The following CXorf58 variants were observed in gnomAD, a reference collection of about 807,000 sequenced individuals.
CXorf58 encodes chromosome X open reading frame 58, also known as uncharacterized protein CXorf58.
In CXorf58, 24 loss-of-function variants were observed where a neutral mutation model predicts 26.0. That is an observed-to-expected ratio of 0.92 (90% CI 0.67 to 1.30). The LOEUF (loss-of-function observed/expected upper bound fraction) is 1.30, where lower values mean the gene tolerates loss of function less well. CXorf58 is among the 50% of genes most tolerant of loss of function. The pLI is 0.00. For synonymous variants in CXorf58, 87 were observed against 86.1 expected (o/e 1.01, Z -0.06); for missense variants, 236 against 263.9 (o/e 0.89, Z 0.73).
In CXorf58 at chrX:23,929,654, A is replaced by G. The variant is rs1283132498; in HGVS notation, c.555+2284A>G. Reference sequence around the variant, plus strand: ...AAGTGCTGATGGAGAAGCTGCAGCAAGTTATCCAGAAGATCTCACTAAGAT... The same window carrying G: ...AAGTGCTGATGGAGAAGCTGCAGCAGGTTATCCAGAAGATCTCACTAAGAT... On this transcript the variant is annotated intron_variant, in intron 6 of 8. Coordinates refer to ENST00000379211, the MANE Select transcript of CXorf58 (RefSeq NM_152761.3). 1.8e-4 allele frequency among the ~76,000 whole-genome samples: 20 copies of G among 112,042 alleles called. No individual in the cohort carries two copies. In the Admixed American group the frequency reaches 1.8e-3, roughly 10 times the overall value.
In CXorf58 at chrX:23,923,510, G is replaced by A. The variant is rs1392352853; in HGVS notation, c.424-3729G>A. The stretch of plus-strand genomic sequence containing the variant: ...AAAAATTAGCCAGGCATGGTGGCAC[G>A]CACCTGTAGTCCCAGCTACTCAGGA... On this transcript the variant is annotated intron_variant, in intron 5 of 8. Coordinates refer to ENST00000379211, the MANE Select transcript of CXorf58 (RefSeq NM_152761.3). Among the ~76,000 whole-genome samples the A allele has an allele frequency of 9.1e-5, 10 of 109,442 alleles. No homozygotes were observed. In the South Asian group the frequency reaches 2.8e-3, roughly 31 times the overall value.
Position 23,935,390 on chromosome X carries a change from C to G in CXorf58, c.750C>G (p.Ile250Met), listed in dbSNP as rs751809793. The G allele has an allele frequency of 1.8e-4, 213 of 1,203,938 alleles. 1 individual carries two copies. Among genetic ancestry groups the G allele is most frequent in the Non-Finnish European group, 2.3e-4 (205 of 889,939 alleles). Reference sequence around the variant, plus strand: ...TACAGAGACCAGTAACGCAAGAGATCCATAAGCACCAGCTACGGATTGTTT... The same window carrying G: ...TACAGAGACCAGTAACGCAAGAGATGCATAAGCACCAGCTACGGATTGTTT... ...FLLQRPVTQE[I>M]HKHQLRIVSE... Residue 250 changes from isoleucine to methionine, a missense_variant, in exon 7 of 9, where the codon ATC becomes ATG. Ile to Met is a conservative substitution (Grantham distance 10). Transcript: ENST00000379211.
intron 1 of CXorf58, among the ~76,000 whole-genome samples, chrX:23,908,846 T>C (rs1214731173): frequency 8.9e-6 from 1 of 112,321 alleles, no homozygotes; most frequent in Admixed American, 9.5e-5. Context: ...TTCTCATTGC[T>C]GCAAGGAGAA....
At chrX:23,911,331 G>C (rs1927573176) in intron 2 of CXorf58, among the ~76,000 whole-genome samples, 3 of 111,463 alleles carry the variant, frequency 2.7e-5, no homozygotes, top group African/African-American at 9.8e-5. Context: ...CCCCAGAAGA[G>C]AACTGGGCCT....
chrX:23,937,326 G>A (rs1018928437), intron 7 of CXorf58, among the ~76,000 whole-genome samples: 3 of 111,617 alleles, frequency 2.7e-5, no homozygotes, highest in Non-Finnish European at 3.8e-5. Flanking sequence ...ACACCCATCA[G>A]TCATTGGTTA....
intron 7 of CXorf58, among the ~76,000 whole-genome samples, chrX:23,937,906 G>A (rs1309694471): frequency 2.9e-5 from 3 of 104,639 alleles, no homozygotes; most frequent in Non-Finnish European, 5.9e-5. Flanking sequence ...TTTTTTTTGA[G>A]CTGGAGTCTC....
intron 2 of CXorf58, among the ~76,000 whole-genome samples, chrX:23,911,324 C>G (rs1927572880): frequency 9.0e-6 from 1 of 111,417 alleles, no homozygotes; most frequent in Admixed American, 9.6e-5. Flanking sequence ...CATCCACCCC[C>G]AGAAGAGAAC....
Position 23,935,174 on chromosome X carries a change from C to G in CXorf58, c.556-22C>G, listed in dbSNP as rs192478138. 102 of 1,164,985 alleles carry G rather than the reference C, an allele frequency of 8.8e-5. No individual in the cohort carries two copies. The African/African-American group carries it at 1.6e-3, about 18-fold the overall frequency. ...AGCCACCGCACCTGGCCAACTTAAT[C>G]GTTCTTGTTTTTTCCCTACAGTATC... On this transcript the variant is annotated intron_variant, in intron 6 of 8. Transcript: ENST00000379211.
chrX:23,915,583 C>A, intron 3 of CXorf58, 117 bp from the exon 4 acceptor site: 1 of 437,458 alleles, frequency 2.3e-6, no homozygotes, highest in East Asian at 4.0e-5. Context: ...AAACCCACCC[C>A]TTCAGAACTC....
chrX:23,938,402 T>C, intron 7 of CXorf58, 145 bp from the exon 8 acceptor site: 1 of 415,745 alleles, frequency 2.4e-6, no homozygotes, highest in Non-Finnish European at 4.0e-6. Context: ...AACTTTAACC[T>C]AAAAGCTTAC....
At chrX:23,934,445 G>A (rs771628239) in intron 6 of CXorf58, among the ~76,000 whole-genome samples, 5 of 111,154 alleles carry the variant, frequency 4.5e-5, no homozygotes, top group East Asian at 2.8e-4. Flanking sequence ...CTGTTGCCCC[G>A]GCTGGAGTGC....
rs749982754 is a variant in CXorf58 at position 23,911,855 on chromosome X, C to T, written c.215C>T (p.Ala72Val). 6.9e-6 allele frequency: 8 copies of T among 1,159,707 alleles called. No homozygotes were observed. The East Asian group carries it at 1.5e-4, about 22-fold the overall frequency. The change falls in exon 3 of 9, where the codon GCG (alanine) becomes GTG (valine). Residue 72 changes from alanine (A) to valine (V), a missense_variant and splice_region_variant. By Grantham distance (64) the Ala-to-Val change is moderately conservative. Coordinates refer to ENST00000379211, the MANE Select transcript of CXorf58 (RefSeq NM_152761.3). ...CTCCTAAAACACGCAATTTGTGCAG[C>T]GGTATGTATTTTGCTTATTTTTTTC... Reference protein sequence around the residue: ...FRLLKHAICAAEFYVTHEILK... With the variant: ...FRLLKHAICAVEFYVTHEILK...
intron 5 of CXorf58, among the ~76,000 whole-genome samples, chrX:23,923,921 C>T (rs1217971410): frequency 9.0e-6 from 1 of 110,669 alleles, no homozygotes; most frequent in African/African-American, 3.3e-5. Flanking sequence ...CAAAAATTAG[C>T]TGGGCATGGT....
chrX:23,915,202 C>G (rs1927689375), intron 3 of CXorf58, among the ~76,000 whole-genome samples: 1 of 112,164 alleles, frequency 8.9e-6, no homozygotes. Context: ...TATAAGGCAC[C>G]TAACATAGTA....
chrX:23,911,871 T>A lies in CXorf58; in HGVS notation c.216+15T>A, dbSNP rs1341285831. On this transcript the variant is annotated intron_variant, in intron 3 of 8. Coordinates refer to ENST00000379211, the MANE Select transcript of CXorf58 (RefSeq NM_152761.3). ...TTTGTGCAGCGGTATGTATTTTGCT[T>A]ATTTTTTTCTCTGAGGGATTTAATT... 9.3e-7 allele frequency: 1 copy of A among 1,081,057 alleles called. No homozygotes were observed. Among genetic ancestry groups the A allele is most frequent in the Non-Finnish European group, 1.3e-6 (1 of 783,409 alleles). 89.1% of individuals were successfully genotyped at this position (1,081,057 alleles called of 1,213,427 possible).
chrX:23,930,466 A>G (rs941832625), intron 6 of CXorf58, among the ~76,000 whole-genome samples: 1 of 108,181 alleles, frequency 9.2e-6, no homozygotes, highest in African/African-American at 3.4e-5. Flanking sequence ...TGTCTCTACA[A>G]AAATTACCCC....
intron 5 of CXorf58, among the ~76,000 whole-genome samples, chrX:23,918,914 G>C (rs756954850): frequency 6.7e-4 from 75 of 112,139 alleles, no homozygotes; most frequent in African/African-American, 2.2e-3. Flanking sequence ...CAGCCTGTAA[G>C]GCTTCCAATG....
intron 7 of CXorf58, among the ~76,000 whole-genome samples, chrX:23,937,917 G>A (rs1354288999): frequency 3.8e-5 from 4 of 104,849 alleles, no homozygotes; most frequent in Non-Finnish European, 7.8e-5. Flanking sequence ...CTGGAGTCTC[G>A]CTCTGTTGCC....
chrX:23,920,537 G>C (rs973426133), intron 5 of CXorf58, among the ~76,000 whole-genome samples: 6 of 111,362 alleles, frequency 5.4e-5, no homozygotes, highest in African/African-American at 2.0e-4. Context: ...AAAAGGAAAA[G>C]GGACCACTTT....
Sources: allele counts gnomAD v4.1 joint callset (sites outside exome capture counted in the v4.1 genomes callset), GRCh38; gene constraint gnomAD v4.1.1; transcripts MANE v1.5; gene names NCBI Gene and HGNC (gene_info 2026-07-23, HGNC 2026-07-21).